The following SPON1 variants were observed in gnomAD, a reference collection of about 807,000 sequenced individuals.
SPON1 encodes spondin 1, also known as spondin-1.
A neutral mutation model predicts 111.7 loss-of-function variants in SPON1; 52 were observed. The ratio of observed to expected loss-of-function variants is 0.47; its 90% CI spans 0.37 to 0.59. The LOEUF (loss-of-function observed/expected upper bound fraction) is 0.59. Among genes scored for constraint, SPON1 ranks in the 20% least tolerant of loss-of-function variants. SPON1 has a pLI of 0.00. For missense variants in SPON1, 957 were observed against 1,068.5 expected (o/e 0.90, Z 1.46); for synonymous variants, 410 against 395.8 (o/e 1.04, Z -0.43).
intron 6 of SPON1, among the ~76,000 whole-genome samples, chr11:14,165,828 T>C (rs1848023124): frequency 6.6e-6 from 1 of 152,204 alleles, no homozygotes; most frequent in Non-Finnish European, 1.5e-5. Context: ...GCCTGATTAT[T>C]GGCAAAAAGT....
At chr11:14,064,939 T>C (rs2133824859) in intron 3 of SPON1, among the ~76,000 whole-genome samples, 1 of 152,286 alleles carries the variant, frequency 6.6e-6, no homozygotes, top group East Asian at 1.9e-4. Context: ...GCTGCTCTTA[T>C]AGAATCTCTC....
chr11:14,038,025 G>C (rs1223524200), intron 2 of SPON1, among the ~76,000 whole-genome samples: 4 of 148,384 alleles, frequency 2.7e-5, no homozygotes, highest in South Asian at 4.4e-4. Flanking sequence ...AATTAGCTGG[G>C]TGTAGTGGCA....
At position 14,039,357 on chromosome 11, in the gene SPON1, A is replaced by G. The variant is rs1349371053; in HGVS notation, c.346-2164A>G. Among the ~76,000 whole-genome samples, 4 of 152,304 alleles carry G rather than the reference A, an allele frequency of 2.6e-5. No homozygotes were observed. The South Asian group carries it at 6.2e-4, about 24-fold the overall frequency. ...CTTTGCAGGATAATGATATGTTAATATAGGCTCATTGATTGTAACAAATGT... is the reference window on the plus strand; with the variant it reads ...CTTTGCAGGATAATGATATGTTAATGTAGGCTCATTGATTGTAACAAATGT... On this transcript the variant is annotated intron_variant, in intron 2 of 15. Coordinates refer to ENST00000576479, the MANE Select transcript of SPON1 (RefSeq NM_006108.4).
intron 5 of SPON1, among the ~76,000 whole-genome samples, chr11:14,081,631 T>C (rs2133833115): frequency 6.6e-6 from 1 of 152,260 alleles, no homozygotes; most frequent in East Asian, 1.9e-4. Context: ...TGTTTTTTTC[T>C]GTTCATTGTC....
intron 7 of SPON1, among the ~76,000 whole-genome samples, chr11:14,248,004 G>C (rs1849010596): frequency 6.6e-6 from 1 of 152,156 alleles, no homozygotes; most frequent in Admixed American, 6.5e-5. Flanking sequence ...TGAATGTTGA[G>C]GAATCTTGCC....
intron 7 of SPON1, among the ~76,000 whole-genome samples, chr11:14,243,900 A>T (rs1848958462): frequency 6.6e-6 from 1 of 152,180 alleles, no homozygotes; most frequent in African/African-American, 2.4e-5. Flanking sequence ...TGCCAAATGG[A>T]TGGATACAGT....
At chr11:14,094,801 A>G (rs1450797660) in intron 5 of SPON1, among the ~76,000 whole-genome samples, 1 of 152,222 alleles carries the variant, frequency 6.6e-6, no homozygotes, top group Non-Finnish European at 1.5e-5. Flanking sequence ...ATAAGGCCAT[A>G]TGTGGCTGCT....
chr11:13,987,616 A>G (rs1227652426), intron 2 of SPON1, among the ~76,000 whole-genome samples: 2 of 152,182 alleles, frequency 1.3e-5, no homozygotes, highest in African/African-American at 4.8e-5. Context: ...TTAGACATGA[A>G]GTCTTTGCCC....
chr11:13,964,524 G>GAAA (rs1554907861), intron 1 of SPON1, among the ~76,000 whole-genome samples: 1 of 152,166 alleles, frequency 6.6e-6, no homozygotes, highest in African/African-American at 2.4e-5. Context: ...TTGTGTCCCC[G>GAAA]ACTTTCTCCA....
At position 14,259,239 on chromosome 11, in the gene SPON1, G is replaced by T. The variant is rs782344709; in HGVS notation, c.1493-41G>T. ...ACCGCGCAGCCTGGCAGGCGCCCCT[G>T]CCACCGTGCACTGCTGCAGCGTTCA... is the stretch of plus-strand genomic sequence containing the variant. On this transcript the variant is annotated intron_variant, in intron 11 of 15. Coordinates refer to ENST00000576479, the MANE Select transcript of SPON1 (RefSeq NM_006108.4). This position sits in a 1 kb window ranked among gnomAD's most constrained non-coding sequence, Gnocchi z 5.0. 1.8e-5 allele frequency: 27 copies of T among 1,534,558 alleles called. No individual in the cohort carries two copies. The highest frequency in any genetic ancestry group is 2.3e-5 in the Non-Finnish European group (26 of 1,137,324).
chr11:14,050,317 G>A (rs1020312629), intron 3 of SPON1, among the ~76,000 whole-genome samples: 2 of 152,146 alleles, frequency 1.3e-5, no homozygotes, highest in Non-Finnish European at 1.5e-5. Flanking sequence ...CATAATGTAG[G>A]TCAGCAAATC....
rs111309559 is a variant in SPON1 at position 14,043,382 on chromosome 11, G to A, written c.479+1728G>A. ...TCCTCTGGTTAGTTCTGAGTTGAAAGTTGGGGAGGTGGTGAGGGCAAAAAA... is the reference window on the plus strand; with the variant it reads ...TCCTCTGGTTAGTTCTGAGTTGAAAATTGGGGAGGTGGTGAGGGCAAAAAA... On this transcript the variant is annotated intron_variant, in intron 3 of 15. Transcript: ENST00000576479. 2.7e-3 allele frequency among the ~76,000 whole-genome samples: 415 copies of A among 152,308 alleles called. 6 individuals are homozygous for A. The highest frequency in any genetic ancestry group is 0.014 in the Middle Eastern group (4 of 294).
intron 1 of SPON1, among the ~76,000 whole-genome samples, chr11:13,978,432 G>A (rs1348344647): frequency 6.6e-6 from 1 of 152,114 alleles, no homozygotes; most frequent in Non-Finnish European, 1.5e-5. Flanking sequence ...ACTGTGCTGA[G>A]CTTAGATGGG....
chr11:14,163,343 T>A (rs1191361607), intron 6 of SPON1, among the ~76,000 whole-genome samples: 1 of 152,202 alleles, frequency 6.6e-6, no homozygotes, highest in African/African-American at 2.4e-5. Flanking sequence ...GTCATGAGCA[T>A]CTACAACTTA....
At chr11:14,202,605 C>T (rs934655553) in intron 6 of SPON1, among the ~76,000 whole-genome samples, 1 of 152,190 alleles carries the variant, frequency 6.6e-6, no homozygotes, top group Non-Finnish European at 1.5e-5. Flanking sequence ...GCCCTTCCCC[C>T]TCAGCTAACC....
At chr11:14,064,706 T>C (rs998929038) in intron 3 of SPON1, among the ~76,000 whole-genome samples, 1 of 152,044 alleles carries the variant, frequency 6.6e-6, no homozygotes, top group Non-Finnish European at 1.5e-5. Flanking sequence ...TTGCTAACAA[T>C]GTGTGAAAGA....
intron 5 of SPON1, among the ~76,000 whole-genome samples, chr11:14,118,068 T>C (rs2133852374): frequency 1.3e-5 from 2 of 152,318 alleles, no homozygotes; most frequent in South Asian, 4.2e-4. Flanking sequence ...GAGTTAAGAT[T>C]GAAATCTGAA....
At chr11:13,976,530 T>A (rs1010613604) in intron 1 of SPON1, among the ~76,000 whole-genome samples, 1 of 152,186 alleles carries the variant, frequency 6.6e-6, no homozygotes, top group Non-Finnish European at 1.5e-5. Flanking sequence ...AGCCTTCATC[T>A]CATGTGTTAT....
intron 6 of SPON1, among the ~76,000 whole-genome samples, chr11:14,160,657 T>TATATTTACATATATTTATATATTTA (rs1847917023): frequency 7.9e-5 from 2 of 25,416 alleles, no homozygotes; most frequent in African/African-American, 2.9e-4. Flanking sequence ...ATTTATATAT[T>TATATTTACATATATTTATATATTTA]TATATATATA....
Sources: allele counts gnomAD v4.1 joint callset (sites outside exome capture counted in the v4.1 genomes callset), GRCh38; gene constraint gnomAD v4.1.1; non-coding constraint Gnocchi (gnomAD v3.1); transcripts MANE v1.5; gene names NCBI Gene and HGNC (gene_info 2026-07-23, HGNC 2026-07-21).